The following EXOC4 variants were observed in gnomAD, a reference collection of about 807,000 sequenced individuals.
EXOC4 encodes exocyst complex component 4.
A neutral mutation model predicts 107.2 loss-of-function variants in EXOC4; 71 were observed. The ratio of observed to expected loss-of-function variants is 0.66; its 90% CI spans 0.55 to 0.81. EXOC4 has a LOEUF of 0.81. Among genes scored for constraint, EXOC4 ranks in the 30% least tolerant of loss-of-function variants. The probability of loss-of-function intolerance (pLI) is 0.00; values close to 1 mark genes in which losing one functional copy is unlikely to be tolerated. For missense variants in EXOC4, 1,108 were observed against 1,189.6 expected, an observed-to-expected ratio of 0.93 and a Z score of 1.01; for synonymous variants, 456 against 441.2, an observed-to-expected ratio of 1.03 and a Z score of -0.42.
At chr7:133,625,285 C>T (rs1248974077) in intron 9 of EXOC4, among the ~76,000 whole-genome samples, 3 of 152,322 alleles carry the variant, frequency 2.0e-5, no homozygotes, top group East Asian at 1.9e-4. Flanking sequence ...ATGCCCTTAT[C>T]TACGTTACTT....
At chr7:133,725,401 G>T (rs1246586258) in intron 10 of EXOC4, among the ~76,000 whole-genome samples, 3 of 152,126 alleles carry the variant, frequency 2.0e-5, no homozygotes, top group Non-Finnish European at 4.4e-5. Context: ...TTGAGATCGA[G>T]TTTCACTCTT....
chr7:133,679,253 A>G (rs1179051170), intron 10 of EXOC4, among the ~76,000 whole-genome samples: 1 of 152,196 alleles, frequency 6.6e-6, no homozygotes, highest in African/African-American at 2.4e-5. Flanking sequence ...ATCTTAGCAA[A>G]TTACATTTTC....
At chr7:133,917,781 A>G (rs1799844404) in intron 13 of EXOC4, 43 bp downstream of exon 13, 1 of 1,571,646 alleles carries the variant, frequency 6.4e-7, no homozygotes. Context: ...ATAGGGAGGA[A>G]GCACATCTGT....
intron 10 of EXOC4, among the ~76,000 whole-genome samples, chr7:133,810,588 A>G (rs1388816533): frequency 1.4e-5 from 2 of 140,414 alleles, no homozygotes; most frequent in Non-Finnish European, 3.1e-5. Flanking sequence ...GATAAGATCC[A>G]TGCTTTGCTT....
chr7:133,290,555 C>T (rs1794381504), intron 3 of EXOC4, among the ~76,000 whole-genome samples: 1 of 152,128 alleles, frequency 6.6e-6, no homozygotes. Flanking sequence ...CTATTTGAAT[C>T]ATGATTTTTT....
intron 7 of EXOC4, among the ~76,000 whole-genome samples, chr7:133,386,842 T>A (rs1796738717): frequency 6.6e-6 from 1 of 151,420 alleles, no homozygotes. Flanking sequence ...TTTTTGTGAA[T>A]CTTTGCTGTC....
intron 9 of EXOC4, among the ~76,000 whole-genome samples, chr7:133,554,783 G>A (rs1179483209): frequency 6.6e-6 from 1 of 152,148 alleles, no homozygotes; most frequent in Non-Finnish European, 1.5e-5. Context: ...ATACATTTAT[G>A]TCTCCAACTA....
At chr7:133,429,474 A>G (rs1177423403) in intron 7 of EXOC4, among the ~76,000 whole-genome samples, 1 of 152,218 alleles carries the variant, frequency 6.6e-6, no homozygotes, top group Non-Finnish European at 1.5e-5. Flanking sequence ...ACCATTTTAA[A>G]GAATATAACT....
chr7:133,354,194 A>T (rs1449081681), intron 5 of EXOC4, among the ~76,000 whole-genome samples: 1 of 150,998 alleles, frequency 6.6e-6, no homozygotes, highest in Non-Finnish European at 1.5e-5. Flanking sequence ...TTGCCTCTCT[A>T]TTTCTATGCT....
chr7:133,919,122 T>A (rs1211626779), intron 13 of EXOC4, among the ~76,000 whole-genome samples: 2 of 152,236 alleles, frequency 1.3e-5, no homozygotes, highest in Admixed American at 1.3e-4. Context: ...AAATTCTTCC[T>A]GTTTATGTTT....
intron 7 of EXOC4, among the ~76,000 whole-genome samples, chr7:133,410,268 A>G (rs1797326281): frequency 6.6e-6 from 1 of 152,220 alleles, no homozygotes; most frequent in South Asian, 2.1e-4. Flanking sequence ...ACAGGATATC[A>G]GAGGAGGGAG....
chr7:133,908,034 C>T (rs1190717059), intron 12 of EXOC4, among the ~76,000 whole-genome samples: 2 of 152,154 alleles, frequency 1.3e-5, no homozygotes, highest in Non-Finnish European at 1.5e-5. Context: ...CAGTACATAT[C>T]AGTTGCCCTT....
rs1798873229 is a variant in EXOC4 at position 133,471,350 on chromosome 7, T to G, written c.1183-3978T>G. Among the ~76,000 whole-genome samples the G allele has an allele frequency of 2.0e-5, 3 of 150,882 alleles. No individual in the cohort carries two copies. The South Asian group carries it at 6.3e-4, about 32-fold the overall frequency. On this transcript the variant is annotated intron_variant, in intron 7 of 17. Coordinates refer to ENST00000253861, the MANE Select transcript of EXOC4 (RefSeq NM_021807.4). ...TCGCTTGAACCTGGGAGGTGGAGGT[T>G]GCAGTGAGCCAAGATCGTGCCATTG...
chr7:133,758,613 G>C (rs1269934884), intron 10 of EXOC4, among the ~76,000 whole-genome samples: 1 of 152,196 alleles, frequency 6.6e-6, no homozygotes, highest in Non-Finnish European at 1.5e-5. Flanking sequence ...ATGCCATGAG[G>C]GCACTGGGGA....
chr7:133,484,728 C>T (rs1427830292), intron 9 of EXOC4, among the ~76,000 whole-genome samples: 5 of 151,968 alleles, frequency 3.3e-5, no homozygotes. Flanking sequence ...TTAGAAATTT[C>T]TAAATTAGAA....
intron 10 of EXOC4, among the ~76,000 whole-genome samples, chr7:133,667,904 A>G (rs1793855009): frequency 6.6e-6 from 1 of 152,208 alleles, no homozygotes; most frequent in Non-Finnish European, 1.5e-5. Flanking sequence ...TAGACTGTGC[A>G]ACCAAAAACT....
intron 13 of EXOC4, among the ~76,000 whole-genome samples, chr7:133,927,898 T>C (rs1158776110): frequency 1.3e-5 from 2 of 152,180 alleles, no homozygotes; most frequent in African/African-American, 4.8e-5. Context: ...TTCAAGATGA[T>C]TGAATTAGGC....
intron 14 of EXOC4, among the ~76,000 whole-genome samples, chr7:133,981,210 T>G (rs1793971563): frequency 6.6e-6 from 1 of 152,160 alleles, no homozygotes; most frequent in African/African-American, 2.4e-5. Flanking sequence ...AGGGTCAGCT[T>G]CTTCTTCCAG....
intron 7 of EXOC4, among the ~76,000 whole-genome samples, chr7:133,430,898 A>G (rs1439266641): frequency 6.6e-6 from 1 of 152,336 alleles, no homozygotes; most frequent in East Asian, 1.9e-4. Flanking sequence ...CCATCTTTCT[A>G]CTGGAATGGA....
Sources: allele counts gnomAD v4.1 joint callset (sites outside exome capture counted in the v4.1 genomes callset), GRCh38; gene constraint gnomAD v4.1.1; transcripts MANE v1.5; gene names NCBI Gene and HGNC (gene_info 2026-07-23, HGNC 2026-07-21).